The following VWA3A variants were observed in gnomAD, a reference collection of about 807,000 sequenced individuals.
The protein encoded by VWA3A is von Willebrand factor A domain containing 3A.
A neutral mutation model predicts 160.4 loss-of-function variants in VWA3A; 134 were observed. The ratio of observed to expected loss-of-function variants is 0.84; its 90% CI spans 0.73 to 0.96. The LOEUF is 0.96. Among genes scored for constraint, VWA3A ranks in the 40% least tolerant of loss-of-function variants. VWA3A has a pLI of 0.00. For missense variants in VWA3A, 1,310 were observed against 1,447.9 expected, an observed-to-expected ratio of 0.90 and a Z score of 1.55; for synonymous variants, 476 against 543.4, an observed-to-expected ratio of 0.88 and a Z score of 1.72.
Position 22,119,001 on chromosome 16 carries a change from G to C in VWA3A, c.1090G>C (p.Glu364Gln), listed in dbSNP as rs2045690694. ...VQALQHSSPC[E>Q]ALTCTMEEIS... ...AGCCCTGCAGCACAGCAGCCCCTGTGAGGCGCTCACCTGCACCATGGAGGA... is the reference window on the plus strand; with the variant it reads ...AGCCCTGCAGCACAGCAGCCCCTGTCAGGCGCTCACCTGCACCATGGAGGA... Residue 364 changes from glutamate to glutamine, a missense_variant, in exon 12 of 34, where the codon GAG becomes CAG. Glu to Gln is a conservative substitution (Grantham distance 29). Coordinates refer to ENST00000389398, the MANE Select transcript of VWA3A (RefSeq NM_173615.5). The C allele has an allele frequency of 6.2e-7, 1 of 1,613,188 alleles. No homozygotes were observed. The highest frequency in any genetic ancestry group is 1.3e-5 in the African/African-American group (1 of 74,922).
chr16:22,131,554 A>G (rs1176507773), intron 18 of VWA3A, 31 bp from the exon 19 acceptor site: 1 of 1,605,808 alleles, frequency 6.2e-7, no homozygotes, highest in East Asian at 2.2e-5. Context: ...TGGGCCAATG[A>G]CCCTCAGCAT....
chr16:22,100,164 C>A, intron 3 of VWA3A, 30 bp from the exon 4 acceptor site: 2 of 1,519,150 alleles, frequency 1.3e-6, no homozygotes, highest in Middle Eastern at 2.3e-4. Flanking sequence ...CTTTCCACTT[C>A]ACGGTTTGAC....
At chr16:22,138,066 C>T (rs1040005200) in intron 21 of VWA3A, among the ~76,000 whole-genome samples, 30 of 152,214 alleles carry the variant, frequency 2.0e-4, no homozygotes, top group Middle Eastern at 3.4e-3. Flanking sequence ...AATGGGGAGA[C>T]GACACACCTA....
chr16:22,142,712 A>G lies in VWA3A; in HGVS notation c.2539A>G (p.Thr847Ala). Residue 847 changes from threonine to alanine, a missense_variant, in exon 25 of 34, where the codon ACT becomes GCT. Physicochemically the swap from Thr to Ala is moderately conservative, Grantham distance 58. Transcript: ENST00000389398. Reference protein sequence around the residue: ...KYPQGRGLRRTSSSIDLPRKD... With the variant: ...KYPQGRGLRRASSSIDLPRKD... ...CCCTCAAGGAAGGGGCTTGAGAAGG[A>G]CTAGCTCTTCTATTGACTTACCCAG... 1 of 1,576,082 alleles carries G rather than the reference A, an allele frequency of 6.3e-7. No individual in the cohort carries two copies. The highest frequency in any genetic ancestry group is 1.2e-5 in the South Asian group (1 of 85,608).
intron 25 of VWA3A, among the ~76,000 whole-genome samples, chr16:22,143,749 CTTTTT>C (rs555474217): frequency 7.9e-6 from 1 of 127,316 alleles, no homozygotes; most frequent in African/African-American, 2.6e-5. Flanking sequence ...TTCTTTCTTT[CTTTTT>C]TTTTTTTTTT....
At chr16:22,118,673 G>A (rs1204378613) in intron 11 of VWA3A, among the ~76,000 whole-genome samples, 4 of 152,162 alleles carry the variant, frequency 2.6e-5, no homozygotes, top group African/African-American at 4.8e-5. Flanking sequence ...GTGACAGAGC[G>A]AGACTCCATC....
chr16:22,103,511 C>T lies in VWA3A; in HGVS notation c.465C>T (p.Leu155=). 3 of 1,551,828 alleles carry T rather than the reference C, an allele frequency of 1.9e-6. No homozygotes were observed. The highest frequency in any genetic ancestry group is 2.6e-6 in the Non-Finnish European group (3 of 1,146,990). Residue 155 remains leucine (L), a synonymous_variant, in exon 6 of 34, where the codon CTC becomes CTT. Transcript: ENST00000389398. Reference sequence around the variant, plus strand: ...TCTATCAAGAGAGAATTCAGTGGCTCACAGAAAACAGCAAGAAGGTAACGG... The same window carrying T: ...TCTATCAAGAGAGAATTCAGTGGCTTACAGAAAACAGCAAGAAGGTAACGG... ...IEVYQERIQW[L]TENSKKAFGL... is the part of the protein sequence containing the mutation.
chr16:22,143,547 G>C (rs2142001698), intron 25 of VWA3A, among the ~76,000 whole-genome samples: 1 of 152,190 alleles, frequency 6.6e-6, no homozygotes, highest in East Asian at 1.9e-4. Context: ...AATTGGCTTA[G>C]AGTCTAAGCT....
chr16:22,147,741 A>G (rs978960021), intron 27 of VWA3A: 1 of 694,168 alleles, frequency 1.4e-6, no homozygotes, highest in African/African-American at 1.8e-5. Context: ...ACATAAAACC[A>G]GAGATCCAGC....
intron 8 of VWA3A, 93 bp downstream of exon 8, chr16:22,111,087 C>T: frequency 1.8e-6 from 2 of 1,090,886 alleles, no homozygotes; most frequent in Non-Finnish European, 2.6e-6. Flanking sequence ...CTGCAAACCC[C>T]AGGACCCTAC....
chr16:22,153,625 C>T (rs1479346957), intron 31 of VWA3A, among the ~76,000 whole-genome samples: 1 of 152,016 alleles, frequency 6.6e-6, no homozygotes, highest in African/African-American at 2.4e-5. Flanking sequence ...TTTAGGAATG[C>T]AATGTTGTCA....
At chr16:22,141,469 C>A in intron 23 of VWA3A, 113 bp from the exon 24 acceptor site, 1 of 978,242 alleles carries the variant, frequency 1.0e-6, no homozygotes, top group Non-Finnish European at 1.6e-6. Context: ...ATCTTGGAGC[C>A]CCATTTCCTG....
intron 5 of VWA3A, among the ~76,000 whole-genome samples, chr16:22,101,290 G>T (rs996091116): frequency 1.3e-5 from 2 of 152,170 alleles, no homozygotes; most frequent in Admixed American, 6.5e-5. Flanking sequence ...ATAGTCCCTT[G>T]GATGACACAG....
intron 19 of VWA3A, 105 bp from the exon 20 acceptor site, chr16:22,132,795 G>A: frequency 1.8e-6 from 2 of 1,088,480 alleles, no homozygotes; most frequent in Non-Finnish European, 2.6e-6. Context: ...ACTGGACCAG[G>A]CACAGAGAAG....
chr16:22,094,090 G>A (rs1324939603), intron 1 of VWA3A, among the ~76,000 whole-genome samples: 1 of 151,996 alleles, frequency 6.6e-6, no homozygotes, highest in Admixed American at 6.6e-5. Context: ...TTTTTCTGGA[G>A]CACTATTTTG....
chr16:22,140,976 A>T (rs1468732740), intron 23 of VWA3A, among the ~76,000 whole-genome samples: 1 of 152,180 alleles, frequency 6.6e-6, no homozygotes, highest in Non-Finnish European at 1.5e-5. Flanking sequence ...AATGATCCTG[A>T]GTCTTGATCA....
chr16:22,109,302 T>C (rs1289927444), intron 6 of VWA3A, among the ~76,000 whole-genome samples, 180 bp from the exon 7 acceptor site: 1 of 152,218 alleles, frequency 6.6e-6, no homozygotes, highest in Non-Finnish European at 1.5e-5. Flanking sequence ...GAGCAGATCA[T>C]GCCCAGAGCT....
At chr16:22,116,410 A>G in intron 9 of VWA3A, 1 of 445,334 alleles carries the variant, frequency 2.2e-6, no homozygotes, top group Non-Finnish European at 4.3e-6. Context: ...AGAGAGAAAA[A>G]CAAAGGAAAA....
In VWA3A at chr16:22,152,587, C is replaced by A; in HGVS notation, c.3358C>A (p.Leu1120Ile). The A allele has an allele frequency of 6.2e-7, 1 of 1,611,114 alleles. No homozygotes were observed. The part of the protein sequence containing the change: ...RYHCPVGEDT[L>I]SKIHSLLTKG... ...TCACTGCCCTGTGGGTGAGGACACA[C>A]TCTCCAAAATTCACAGCCTGCTGAC... The change falls in exon 31 of 34, where the codon CTC (leucine) becomes ATC (isoleucine). Residue 1120 changes from leucine to isoleucine, a missense_variant. By Grantham distance (5) the Leu-to-Ile change is conservative. Coordinates refer to ENST00000389398, the MANE Select transcript of VWA3A (RefSeq NM_173615.5).
Sources: gnomAD v4.1 joint callset for allele counts (sites outside exome capture counted in the v4.1 genomes callset) on GRCh38, gnomAD v4.1.1 for gene constraint, MANE v1.5 for transcripts, NCBI Gene and HGNC (gene_info 2026-07-23, HGNC 2026-07-21) for gene names.